The following ADAMTS18 variants were observed in gnomAD, a reference collection of about 807,000 sequenced individuals.
The protein encoded by ADAMTS18 is A disintegrin and metalloproteinase with thrombospondin motifs 18.
ADAMTS18 carries 157 observed loss-of-function variants against 165.9 expected under a neutral mutation model. The ratio of observed to expected loss-of-function variants is 0.95; its 90% CI spans 0.83 to 1.08. ADAMTS18 has a LOEUF of 1.08. Among genes scored for constraint, ADAMTS18 ranks in the 50% least tolerant of loss-of-function variants. The pLI is 0.00. For synonymous variants in ADAMTS18, 782 were observed against 578.2 expected (o/e 1.35, Z -5.06); for missense variants, 2,040 against 1,534.0 (o/e 1.33, Z -5.51).
chr16:77,365,641 G>A (rs2056782439), intron 4 of ADAMTS18, among the ~76,000 whole-genome samples: 1 of 152,224 alleles, frequency 6.6e-6, no homozygotes, highest in African/African-American at 2.4e-5. Flanking sequence ...GGCCAGACAT[G>A]ATGCCTTTAG....
At chr16:77,393,003 C>G (rs930769205) in intron 3 of ADAMTS18, among the ~76,000 whole-genome samples, 1 of 151,974 alleles carries the variant, frequency 6.6e-6, no homozygotes, top group Admixed American at 6.6e-5. Context: ...AAAAAAAGGA[C>G]CCAGAATCAG....
intron 3 of ADAMTS18, among the ~76,000 whole-genome samples, chr16:77,380,584 A>G (rs1281079226): frequency 6.6e-6 from 1 of 152,244 alleles, no homozygotes; most frequent in East Asian, 1.9e-4. Flanking sequence ...CTTAACATCT[A>G]CTGCATACAT....
intron 3 of ADAMTS18, among the ~76,000 whole-genome samples, chr16:77,386,418 G>A (rs2057108435): frequency 6.6e-6 from 1 of 152,116 alleles, no homozygotes; most frequent in Admixed American, 6.5e-5. Flanking sequence ...TCCTCTCTGT[G>A]CTAACTTTTC....
At chr16:77,330,321 T>C (rs973595938) in intron 12 of ADAMTS18, among the ~76,000 whole-genome samples, 20 of 152,166 alleles carry the variant, frequency 1.3e-4, no homozygotes, top group Non-Finnish European at 2.4e-4. Context: ...GGAGAGTTTA[T>C]AGGAATTTCA....
chr16:77,288,270 T>G (rs1046380580), intron 22 of ADAMTS18, among the ~76,000 whole-genome samples: 2 of 152,098 alleles, frequency 1.3e-5, no homozygotes, highest in Non-Finnish European at 2.9e-5. Context: ...AATCTTTCTT[T>G]GGTAATTAAG....
At chr16:77,291,835 G>A (rs898965013) in intron 20 of ADAMTS18, among the ~76,000 whole-genome samples, 1 of 152,202 alleles carries the variant, frequency 6.6e-6, no homozygotes, top group East Asian at 1.9e-4. Context: ...ACAGGTCCAG[G>A]TCTACCTAAG....
intron 1 of ADAMTS18, 33 bp downstream of exon 1, chr16:77,434,573 C>T: frequency 6.5e-7 from 1 of 1,530,240 alleles, no homozygotes; most frequent in East Asian, 2.5e-5. Context: ...CCCCCTGCCA[C>T]CCGCTCTCGG....
At chr16:77,321,013 G>A in intron 15 of ADAMTS18, 66 bp downstream of exon 15, 2 of 1,602,202 alleles carry the variant, frequency 1.2e-6, no homozygotes, top group Non-Finnish European at 1.7e-6. Context: ...CATTTGGCGT[G>A]ACTCAAACTT....
chr16:77,350,257 T>A (rs989375644), intron 10 of ADAMTS18, among the ~76,000 whole-genome samples: 1 of 152,110 alleles, frequency 6.6e-6, no homozygotes, highest in African/African-American at 2.4e-5. Context: ...AGAGATCAAG[T>A]CTGGCATGCT....
At chr16:77,366,719 T>C (rs1394361145) in intron 4 of ADAMTS18, among the ~76,000 whole-genome samples, 1 of 152,214 alleles carries the variant, frequency 6.6e-6, no homozygotes, top group East Asian at 1.9e-4. Context: ...AAATTTATCA[T>C]CTGAATCGAC....
chr16:77,408,330 C>G (rs1043986347), intron 3 of ADAMTS18, among the ~76,000 whole-genome samples: 1 of 151,914 alleles, frequency 6.6e-6, no homozygotes, highest in Non-Finnish European at 1.5e-5. Flanking sequence ...GCTAGATGAC[C>G]GAGAAATTCC....
intron 3 of ADAMTS18, among the ~76,000 whole-genome samples, chr16:77,421,330 G>A (rs184407369): frequency 3.2e-4 from 48 of 152,284 alleles, no homozygotes; most frequent in Non-Finnish European, 5.3e-4. Flanking sequence ...CCGTGGGAAC[G>A]GGCTTTCATG....
chr16:77,398,026 A>T (rs1418969368), intron 3 of ADAMTS18, among the ~76,000 whole-genome samples: 1 of 152,138 alleles, frequency 6.6e-6, no homozygotes, highest in Non-Finnish European at 1.5e-5. Flanking sequence ...TAATCTAAAG[A>T]AGAGGAAGGG....
At chr16:77,366,247 A>C (rs1478134561) in intron 4 of ADAMTS18, among the ~76,000 whole-genome samples, 1 of 152,210 alleles carries the variant, frequency 6.6e-6, no homozygotes, top group Non-Finnish European at 1.5e-5. Context: ...TTTAAAAAGC[A>C]ATACTTGATT....
In ADAMTS18 at chr16:77,376,797, G is replaced by A. The variant is rs192792874; in HGVS notation, c.496-9074C>T. On this transcript the variant is annotated intron_variant, in intron 3 of 22. Coordinates refer to ENST00000282849, the MANE Select transcript of ADAMTS18 (RefSeq NM_199355.4). ...GTGTTTTCTATTTTAGATTTCAAGG[G>A]CCTAAATCATTCTTTTTTTTTTTTT... 1.2e-3 allele frequency among the ~76,000 whole-genome samples: 180 copies of A among 146,394 alleles called. 1 individual carries two copies. Among genetic ancestry groups the A allele is most frequent in the Middle Eastern group, 3.5e-3 (1 of 282 alleles).
Position 77,362,215 on chromosome 16 carries a change from C to T in ADAMTS18, c.1106G>A (p.Cys369Tyr). The T allele has an allele frequency of 6.2e-7, 1 of 1,614,138 alleles. No homozygotes were observed. Reference protein sequence around the residue: ...HHADQSLNSFCQWQSALIGKN... With the variant: ...HHADQSLNSFYQWQSALIGKN... ...TCCAATGAGGGCAGACTGCCATTGA[C>T]AAAAACTATTCAGAGACTGGTCTGC... The change falls in exon 7 of 23, where the codon TGT becomes TAT. Residue 369 changes from cysteine (C) to tyrosine (Y), a missense_variant. Physicochemically the swap from Cys to Tyr is radical, Grantham distance 194. Coordinates refer to ENST00000282849, the MANE Select transcript of ADAMTS18 (RefSeq NM_199355.4).
rs1031838858 is a variant in ADAMTS18, at chr16:77,283,135, A to G, written c.*821T>C. On this transcript the variant is annotated 3_prime_UTR_variant, in exon 23 of 23. Coordinates refer to ENST00000282849, the MANE Select transcript of ADAMTS18 (RefSeq NM_199355.4). The stretch of plus-strand genomic sequence containing the variant: ...AGAAATGGGTATGTAGCATTCCCAA[A>G]GAGCGGGCTGTAGCTTTTCATGGAC... The G allele has an allele frequency of 1.3e-5, 2 of 152,516 alleles. No individual in the cohort carries two copies. The highest frequency in any genetic ancestry group is 2.4e-5 in the African/African-American group (1 of 41,414). 9.4% of individuals were successfully genotyped at this position (152,516 alleles called of 1,614,324 possible).
At chr16:77,363,992 T>C (rs530984168) in intron 5 of ADAMTS18, 107 bp from the exon 6 acceptor site, 10 of 1,231,904 alleles carry the variant, frequency 8.1e-6, no homozygotes, top group Admixed American at 5.7e-5. Context: ...TTACCAAATA[T>C]ATGTACATAT....
rs772213816 is a variant in ADAMTS18 at position 77,359,338 on chromosome 16, G to A, written c.1302C>T (p.Ile434=). 10 of 1,613,918 alleles carry A rather than the reference G, an allele frequency of 6.2e-6. No individual in the cohort carries two copies. The highest frequency in any genetic ancestry group is 5.0e-5 in the Admixed American group (3 of 59,982). ...EDTGLGLAFT[I]AHESGHNFGM... ...CTTACTTGTGCCCTGACTCATGAGC[G>A]ATGGTGAAGGCAAGGCCAAGTCCTG... Residue 434 remains isoleucine (I), a synonymous_variant, in exon 8 of 23, where the codon ATC becomes ATT. Coordinates refer to ENST00000282849, the MANE Select transcript of ADAMTS18 (RefSeq NM_199355.4).
Sources: allele counts gnomAD v4.1 joint callset (sites outside exome capture counted in the v4.1 genomes callset), GRCh38; gene constraint gnomAD v4.1.1; transcripts MANE v1.5; gene names NCBI Gene and HGNC (gene_info 2026-07-23, HGNC 2026-07-21).